Variants in AUTS2 observed in about 807,000 individuals in gnomAD.
The protein encoded by AUTS2 is autism susceptibility gene 2 protein.
In AUTS2, 17 loss-of-function variants were observed where a neutral mutation model predicts 112.4. The observed-to-expected ratio is 0.15, with a 90% confidence interval of 0.10 to 0.23. The LOEUF is 0.23. AUTS2 is among the 10% of genes least tolerant of loss of function. The pLI, the probability that AUTS2 is intolerant of heterozygous loss-of-function variation, is 1.00. For synonymous variants in AUTS2, 751 were observed against 702.7 expected (o/e 1.07, Z -1.09); for missense variants, 1,510 against 1,701.6 (o/e 0.89, Z 1.98).
rs989620525 is a variant in AUTS2, at chr7:70,735,070, A to G, written c.743-27800A>G. Among the ~76,000 whole-genome samples, 66 of 152,158 alleles carry G rather than the reference A, an allele frequency of 4.3e-4. 1 individual carries two copies. The highest frequency in any genetic ancestry group is 2.0e-4 in the Admixed American group (3 of 15,274). Reference sequence around the variant, plus strand: ...AGCGTTCTCATTTTATAAGACCTTAATACCCAATAGGAAATGGCCGTCAAT... The same window carrying G: ...AGCGTTCTCATTTTATAAGACCTTAGTACCCAATAGGAAATGGCCGTCAAT... On this transcript the variant is annotated intron_variant, in intron 6 of 18. Coordinates refer to ENST00000342771, the MANE Select transcript of AUTS2 (RefSeq NM_015570.4).
At chr7:70,111,880 C>A (rs1805105336) in intron 2 of AUTS2, among the ~76,000 whole-genome samples, 1 of 152,020 alleles carries the variant, frequency 6.6e-6, no homozygotes, top group Admixed American at 6.6e-5. Context: ...CTCTTTTATA[C>A]TTAAATGTGT....
chr7:69,769,094 A>G (rs758990369), intron 1 of AUTS2, among the ~76,000 whole-genome samples: 2 of 152,222 alleles, frequency 1.3e-5, no homozygotes, highest in African/African-American at 2.4e-5. Context: ...ATGTCTTGCA[A>G]ATCTGATAAT....
intron 3 of AUTS2, among the ~76,000 whole-genome samples, chr7:70,121,439 T>C (rs573181630): frequency 6.6e-6 from 1 of 152,248 alleles, no homozygotes; most frequent in Non-Finnish European, 1.5e-5. Context: ...TTGCAAATCA[T>C]ATAAGTGGTG....
chr7:70,027,695 A>C (rs934313879), intron 2 of AUTS2, among the ~76,000 whole-genome samples: 5 of 152,236 alleles, frequency 3.3e-5, no homozygotes, highest in Admixed American at 6.5e-5. Flanking sequence ...GACCTCAGAG[A>C]GTGAACTATC....
At chr7:69,839,450 T>C (rs1791875053) in intron 1 of AUTS2, among the ~76,000 whole-genome samples, 1 of 152,170 alleles carries the variant, frequency 6.6e-6, no homozygotes, top group Admixed American at 6.5e-5. Flanking sequence ...CATATATGTA[T>C]AGATCAAGTA....
chr7:69,932,555 G>A (rs185936132), intron 2 of AUTS2, among the ~76,000 whole-genome samples: 26 of 152,304 alleles, frequency 1.7e-4, no homozygotes, highest in Admixed American at 7.2e-4. Context: ...ATTGCAGATT[G>A]GAAGGCTAGA....
intron 2 of AUTS2, among the ~76,000 whole-genome samples, chr7:70,044,695 G>A (rs1487092374): frequency 6.6e-6 from 1 of 152,172 alleles, no homozygotes; most frequent in Non-Finnish European, 1.5e-5. Flanking sequence ...CCTTTTCATA[G>A]CCTCCGCCAC....
chr7:70,771,856 C>A (rs1000211129), intron 11 of AUTS2, among the ~76,000 whole-genome samples: 1 of 152,124 alleles, frequency 6.6e-6, no homozygotes, highest in African/African-American at 2.4e-5. Flanking sequence ...AACTGTACTA[C>A]CCAGATAATC....
intron 3 of AUTS2, among the ~76,000 whole-genome samples, chr7:70,126,184 C>A (rs956893096): frequency 6.6e-6 from 1 of 152,056 alleles, no homozygotes; most frequent in African/African-American, 2.4e-5. Flanking sequence ...TTTTGGAGGC[C>A]GAGGCAGGCA....
intron 4 of AUTS2, chr7:70,294,174 G>T (rs574656962): frequency 6.6e-6 from 1 of 152,266 alleles, no homozygotes; most frequent in East Asian, 1.9e-4. Flanking sequence ...TGCATAGAAG[G>T]CATTGCATAG....
chr7:69,832,892 G>C (rs996351939), intron 1 of AUTS2, among the ~76,000 whole-genome samples: 2 of 152,162 alleles, frequency 1.3e-5, no homozygotes, highest in Admixed American at 1.3e-4. Flanking sequence ...GAATTTTGAG[G>C]AGAAAGTCTT....
chr7:70,076,229 T>TA (rs35609711), intron 2 of AUTS2, among the ~76,000 whole-genome samples: 2 of 151,886 alleles, frequency 1.3e-5, no homozygotes, highest in Non-Finnish European at 2.9e-5. Context: ...AGAGTTGGCA[T>TA]AAAAAAAAGC....
chr7:70,127,904 C>G (rs752286159), intron 3 of AUTS2, among the ~76,000 whole-genome samples: 3 of 152,028 alleles, frequency 2.0e-5, no homozygotes, highest in Non-Finnish European at 2.9e-5. Context: ...AGCATCTGTC[C>G]TATTCTTTCT....
intron 4 of AUTS2, among the ~76,000 whole-genome samples, chr7:70,159,806 A>C (rs1022947964): frequency 1.3e-5 from 2 of 152,192 alleles, no homozygotes; most frequent in Non-Finnish European, 2.9e-5. Flanking sequence ...ATTAAGCATC[A>C]CTAATACTGA....
At chr7:69,846,869 G>A (rs186421953) in intron 1 of AUTS2, among the ~76,000 whole-genome samples, 46 of 152,220 alleles carry the variant, frequency 3.0e-4, no homozygotes, top group East Asian at 2.1e-3. Context: ...CACCACACCC[G>A]GCCCCCACAT....
chr7:70,661,881 A>T (rs930249056), intron 5 of AUTS2, among the ~76,000 whole-genome samples: 1 of 152,138 alleles, frequency 6.6e-6, no homozygotes, highest in Non-Finnish European at 1.5e-5. Context: ...GTTTGAAGAA[A>T]AAAAAAAGGT....
chr7:70,260,890 C>T (rs950514518), intron 4 of AUTS2, among the ~76,000 whole-genome samples: 10 of 151,952 alleles, frequency 6.6e-5, no homozygotes, highest in African/African-American at 1.5e-4. Flanking sequence ...GCTGGGACTA[C>T]AGGCACGTGC....
chr7:70,743,903 A>G (rs551488816), intron 6 of AUTS2, among the ~76,000 whole-genome samples: 20 of 152,284 alleles, frequency 1.3e-4, no homozygotes, highest in African/African-American at 4.6e-4. Context: ...GGGTATAGGA[A>G]CTTGAAGCAA....
intron 5 of AUTS2, among the ~76,000 whole-genome samples, chr7:70,439,565 A>G (rs1244384521): frequency 4.0e-5 from 6 of 148,742 alleles, no homozygotes. Context: ...AAAAAAAGAT[A>G]GAAATTGGGT....
Sources: allele counts gnomAD v4.1 joint callset (sites outside exome capture counted in the v4.1 genomes callset), GRCh38; gene constraint gnomAD v4.1.1; transcripts MANE v1.5; gene names NCBI Gene and HGNC (gene_info 2026-07-23, HGNC 2026-07-21).